Variants in FAN1 observed in about 807,000 individuals in gnomAD.
FAN1 encodes FANCD2 and FANCI associated nuclease 1.
Under a neutral mutation model 104.9 loss-of-function variants are expected in FAN1, and 91 were observed. That is an observed-to-expected ratio of 0.87 (90% CI 0.73 to 1.03). The LOEUF is 1.03. FAN1 is among the 50% of genes least tolerant of loss of function. FAN1 has a pLI of 0.00. For synonymous variants in FAN1, 478 were observed against 457.6 expected, an observed-to-expected ratio of 1.04 and a Z score of -0.57; for missense variants, 1,263 against 1,239.9, an observed-to-expected ratio of 1.02 and a Z score of -0.28.
At chr15:30,938,556 C>T (rs2062933640) in intron 14 of FAN1, among the ~76,000 whole-genome samples, 1 of 152,110 alleles carries the variant, frequency 6.6e-6, no homozygotes, top group Non-Finnish European at 1.5e-5. Flanking sequence ...GGCTGCTCAT[C>T]ACCATTGTGG....
Position 30,928,544 on chromosome 15 carries a change from T to C in FAN1, c.2489-9T>C. The C allele has an allele frequency of 9.0e-7, 1 of 1,108,104 alleles. No homozygotes were observed. The highest frequency in any genetic ancestry group is 1.3e-6 in the Non-Finnish European group (1 of 790,532). 68.6% of individuals were successfully genotyped at this position (1,108,104 alleles called of 1,614,324 possible). On this transcript the variant is annotated splice_polypyrimidine_tract_variant and intron_variant, in intron 10 of 14. Transcript: ENST00000362065. ...TGTGTGTGTGTGTGTGTGTGTGACC[T>C]TGTCTTAGGGATTCATGGCGAAGGG... is the stretch of plus-strand genomic sequence containing the variant.
rs1188236356 is a variant in FAN1, at chr15:30,905,268, A to G, written c.605A>G (p.Glu202Gly). The change falls in exon 2 of 15, where the codon GAG becomes GGG. Residue 202 changes from glutamate (E) to glycine (G), a missense_variant. Transcript: ENST00000362065. Reference sequence around the variant, plus strand: ...GATAACTCTTCAGAAATTGAGGACGAGGATCAAATTTTGGAGAACAGTTCT... The same window carrying G: ...GATAACTCTTCAGAAATTGAGGACGGGGATCAAATTTTGGAGAACAGTTCT... ...LIDNSSEIED[E>G]DQILENSSQK... The G allele has an allele frequency of 6.2e-7, 1 of 1,614,130 alleles. No individual in the cohort carries two copies. Among genetic ancestry groups the G allele is most frequent in the South Asian group, 1.1e-5 (1 of 91,092 alleles).
Position 30,937,264 on chromosome 15 carries a change from G to A in FAN1, c.*3+5G>A. The A allele has an allele frequency of 6.3e-7, 1 of 1,599,740 alleles. No individual in the cohort carries two copies. Among genetic ancestry groups the A allele is most frequent in the Non-Finnish European group, 8.5e-7 (1 of 1,175,766 alleles). Reference sequence around the variant, plus strand: ...AGCCAAAGCCTTAGCTAAAAGGTATGGAATTGGGGATATTTGGTCATACAT... The same window carrying A: ...AGCCAAAGCCTTAGCTAAAAGGTATAGAATTGGGGATATTTGGTCATACAT... On this transcript the variant is annotated splice_donor_5th_base_variant and intron_variant, in intron 14 of 14. Transcript: ENST00000362065.
intron 5 of FAN1, among the ~76,000 whole-genome samples, chr15:30,915,025 T>G (rs2062173139): frequency 6.6e-6 from 1 of 152,188 alleles, no homozygotes; most frequent in South Asian, 2.1e-4. Context: ...TGCAGTCTAT[T>G]CACAATAGCC....
At chr15:30,905,932 T>C (rs1242168646) in intron 2 of FAN1, 35 bp downstream of exon 2, 2 of 1,576,620 alleles carry the variant, frequency 1.3e-6, no homozygotes, top group Middle Eastern at 1.7e-4. Context: ...CAAGTTTTCA[T>C]TCCCCTTTTG....
intron 13 of FAN1, among the ~76,000 whole-genome samples, chr15:30,936,127 T>C (rs1006185210): frequency 1.8e-5 from 1 of 55,466 alleles, no homozygotes; most frequent in Non-Finnish European, 4.7e-5. Flanking sequence ...TTTATTGCTG[T>C]GTCTTCAAGT....
chr15:30,930,577 G>T lies in FAN1; in HGVS notation c.2822G>T (p.Ser941Ile). The change falls in exon 13 of 15, where the codon AGT (serine) becomes ATT (isoleucine). Residue 941 changes from serine (S) to isoleucine (I), a missense_variant. Transcript: ENST00000362065. ...LVSCLGGPVL[S>I]GVCRHLAADF... ...TCCTGCCTGGGGGGCCCTGTGCTCA[G>T]TGGTGTGTGCAGGCACCTGGCTGCT... The T allele has an allele frequency of 5.0e-6, 8 of 1,611,786 alleles. No individual in the cohort carries two copies. Among genetic ancestry groups the T allele is most frequent in the Non-Finnish European group, 5.9e-6 (7 of 1,179,270 alleles).
chr15:30,929,293 G>T lies in FAN1; in HGVS notation c.2683G>T (p.Glu895Ter). ...ARLQLIHDAP[E>*]ESLRAWVAAT... ...GCTGCAGCTGATTCATGATGCCCCC[G>T]AGGAGAGCCTGCGGGCCTGGGTGGC... Residue 895 changes from glutamate (E) to a stop codon, truncating the protein, a stop_gained, in exon 12 of 15, where the codon GAG becomes TAG. Transcript: ENST00000362065. LOFTEE classifies it high-confidence loss of function. 6.2e-7 allele frequency: 1 copy of T among 1,613,090 alleles called. No homozygotes were observed. The highest frequency in any genetic ancestry group is 8.5e-7 in the Non-Finnish European group (1 of 1,179,606).
rs373390525 is a variant in FAN1 at position 30,905,271 on chromosome 15, A to G, written c.608A>G (p.Asp203Gly). Residue 203 changes from aspartate to glycine, a missense_variant, in exon 2 of 15, where the codon GAT (aspartate) becomes GGT (glycine). Around this residue, in one of 2 missense-constraint regions of FAN1, gnomAD observed 682 missense variants for 571.1 expected, o/e 1.19. Transcript: ENST00000362065. ...IDNSSEIEDE[D>G]QILENSSQKE... is the part of the protein sequence containing the mutation. ...AACTCTTCAGAAATTGAGGACGAGG[A>G]TCAAATTTTGGAGAACAGTTCTCAA... 4.3e-6 allele frequency: 7 copies of G among 1,613,968 alleles called. No individual in the cohort carries two copies. The highest frequency in any genetic ancestry group is 2.7e-5 in the African/African-American group (2 of 74,944).
At chr15:30,941,518 A>C in intron 14 of FAN1, 48 bp from the exon 15 acceptor site, 1 of 1,611,456 alleles carries the variant, frequency 6.2e-7, no homozygotes, top group Non-Finnish European at 8.5e-7. Flanking sequence ...TTTTGGCCCC[A>C]CTTAAAAATT....
rs890208561 is a variant in FAN1 at position 30,923,359 on chromosome 15, C to T, written c.2172+1005C>T. ...AGAAGGAGAAAGCTTGTGTTTCTGTCGCCTTTCTTTCAATGAAATAAAAGT... is the reference window on the plus strand; with the variant it reads ...AGAAGGAGAAAGCTTGTGTTTCTGTTGCCTTTCTTTCAATGAAATAAAAGT... On this transcript the variant is annotated intron_variant, in intron 8 of 14. Coordinates refer to ENST00000362065, the MANE Select transcript of FAN1 (RefSeq NM_014967.5). Among the ~76,000 whole-genome samples the T allele has an allele frequency of 3.3e-5, 5 of 152,138 alleles. 1 individual carries two copies. The East Asian group carries it at 5.8e-4, about 18-fold the overall frequency.
At chr15:30,911,427 T>C in intron 4 of FAN1, 1 of 983,152 alleles carries the variant, frequency 1.0e-6, no homozygotes, top group Non-Finnish European at 1.2e-6. Context: ...TAACATGATG[T>C]TGTTATTTAT....
rs770201229 is a variant in FAN1 at position 30,925,292 on chromosome 15, G to A, written c.2337+1G>A. On this transcript the variant is annotated splice_donor_variant, in intron 9 of 14. Coordinates refer to ENST00000362065, the MANE Select transcript of FAN1 (RefSeq NM_014967.5). LOFTEE classifies it high-confidence loss of function. Reference sequence around the variant, plus strand: ...AATGGCTGTGCAAGATGTGAAACACGTGAGGAAAGAGCCTGTGGGTGCTTT... The same window carrying A: ...AATGGCTGTGCAAGATGTGAAACACATGAGGAAAGAGCCTGTGGGTGCTTT... The A allele has an allele frequency of 8.1e-6, 13 of 1,613,340 alleles. No individual in the cohort carries two copies. Among genetic ancestry groups the A allele is most frequent in the Admixed American group, 3.3e-5 (2 of 59,938 alleles).
At chr15:30,915,919 A>G (rs530787369) in intron 5 of FAN1, among the ~76,000 whole-genome samples, 3 of 152,170 alleles carry the variant, frequency 2.0e-5, no homozygotes, top group Non-Finnish European at 4.4e-5. Context: ...TTCTGACTCA[A>G]ATTTAACCAA....
At position 30,942,885 on chromosome 15, in the gene FAN1, T is replaced by C. The variant is rs2063100439; in HGVS notation, c.*1323T>C. On this transcript the variant is annotated 3_prime_UTR_variant, in exon 15 of 15. Coordinates refer to ENST00000362065, the MANE Select transcript of FAN1 (RefSeq NM_014967.5). The stretch of plus-strand genomic sequence containing the variant: ...CAACATCACGTTTTGTTAGCTGTGA[T>C]TTACCTTTGTCCGTTTAAAAGACTT... The C allele has an allele frequency of 6.4e-7, 1 of 1,557,310 alleles. No individual in the cohort carries two copies. The highest frequency in any genetic ancestry group is 2.0e-5 in the Admixed American group (1 of 51,234).
intron 8 of FAN1, among the ~76,000 whole-genome samples, chr15:30,923,032 C>T (rs2062372501): frequency 6.6e-6 from 1 of 152,214 alleles, no homozygotes; most frequent in African/African-American, 2.4e-5. Flanking sequence ...TGTCTCTATT[C>T]CAGCCCTGCA....
intron 13 of FAN1, among the ~76,000 whole-genome samples, chr15:30,931,265 C>T (rs1433275852): frequency 6.6e-6 from 1 of 152,136 alleles, no homozygotes; most frequent in Non-Finnish European, 1.5e-5. Flanking sequence ...CTAGCCCAGC[C>T]CTGCTGCCCA....
intron 14 of FAN1, chr15:30,939,640 A>G: frequency 1.1e-6 from 1 of 892,362 alleles, no homozygotes; most frequent in East Asian, 1.5e-4. Flanking sequence ...TAACAACAAT[A>G]AAATACTACA....
rs147687849 is a variant in FAN1, at chr15:30,942,821, T to C, written c.*1259T>C. 1.4e-6 allele frequency: 2 copies of C among 1,435,520 alleles called. No individual in the cohort carries two copies. The highest frequency in any genetic ancestry group is 1.9e-6 in the Non-Finnish European group (2 of 1,065,752). 88.9% of individuals were successfully genotyped at this position (1,435,520 alleles called of 1,614,324 possible). On this transcript the variant is annotated 3_prime_UTR_variant, in exon 15 of 15. Transcript: ENST00000362065. ...TTGGAAGTGCCTTTACTTTTAACGCTCTCTGTTCTGAAAAAGAGGTGTTTG... is the reference window on the plus strand; with the variant it reads ...TTGGAAGTGCCTTTACTTTTAACGCCCTCTGTTCTGAAAAAGAGGTGTTTG...
Sources: gnomAD v4.1 joint callset for allele counts (sites outside exome capture counted in the v4.1 genomes callset) on GRCh38, gnomAD v4.1.1 for gene constraint, gnomAD v4.1.1 regional missense constraint, MANE v1.5 for transcripts, NCBI Gene and HGNC (gene_info 2026-07-23, HGNC 2026-07-21) for gene names.